Variants in CHD2 observed in about 807,000 individuals in gnomAD.
The protein encoded by CHD2 is chromodomain helicase DNA binding protein 2.
In CHD2, 28 loss-of-function variants were observed where a neutral mutation model predicts 243.9. The ratio of observed to expected loss-of-function variants is 0.11; its 90% CI spans 0.09 to 0.16. CHD2 has a LOEUF of 0.16. Ranked by LOEUF, CHD2 falls within the 10% of genes least tolerant of loss-of-function variation. CHD2 has a pLI of 1.00. For missense variants in CHD2, 1,386 were observed against 2,209.8 expected (o/e 0.63, Z 7.47); for synonymous variants, 775 against 779.0 (o/e 0.99, Z 0.09).
intron 34 of CHD2, among the ~76,000 whole-genome samples, chr15:93,004,984 C>T (rs2054302037): frequency 6.6e-6 from 1 of 152,094 alleles, no homozygotes; most frequent in South Asian, 2.1e-4. Flanking sequence ...TCTTGTGCTC[C>T]TAGTTAAGAG....
chr15:92,990,686 G>A (rs1361249601), intron 26 of CHD2, among the ~76,000 whole-genome samples: 1 of 152,254 alleles, frequency 6.6e-6, no homozygotes, highest in South Asian at 2.1e-4. Flanking sequence ...CTGTAGCCAT[G>A]TCTTCTCATT....
chr15:92,949,717 A>C (rs553035990), intron 13 of CHD2, among the ~76,000 whole-genome samples: 1 of 152,340 alleles, frequency 6.6e-6, no homozygotes, highest in South Asian at 2.1e-4. Flanking sequence ...AGTAGTTCCT[A>C]ATTACTAAGT....
intron 6 of CHD2, among the ~76,000 whole-genome samples, chr15:92,937,855 C>T (rs1448242528): frequency 6.6e-6 from 1 of 152,176 alleles, no homozygotes; most frequent in Admixed American, 6.5e-5. Context: ...TAGTAAAACT[C>T]CTTATATGTT....
intron 34 of CHD2, among the ~76,000 whole-genome samples, chr15:93,007,444 AG>A (rs2054335363): frequency 6.6e-6 from 1 of 152,138 alleles, no homozygotes; most frequent in South Asian, 2.1e-4. Context: ...TAGTCATTAC[AG>A]GTGTCTTTTA....
rs2054217770 is a variant in CHD2 at position 92,998,937 on chromosome 15, A to G, written c.4008+316A>G. 6.6e-6 allele frequency among the ~76,000 whole-genome samples: 1 copy of G among 151,904 alleles called. No individual in the cohort carries two copies. Among genetic ancestry groups the G allele is most frequent in the African/African-American group, 2.4e-5 (1 of 41,338 alleles). On this transcript the variant is annotated intron_variant, in intron 31 of 38. Coordinates refer to ENST00000394196, the MANE Select transcript of CHD2 (RefSeq NM_001271.4). This position sits in a 1 kb window ranked among gnomAD's most constrained non-coding sequence, Gnocchi z 5.1. ...TCTCTACTAAAAATACAAAAAAATT[A>G]GCCGGGCGTGGTGGCACACGCCTGT... is the stretch of plus-strand genomic sequence containing the variant.
At chr15:92,933,494 A>G (rs1024077026) in intron 5 of CHD2, among the ~76,000 whole-genome samples, 4 of 152,038 alleles carry the variant, frequency 2.6e-5, no homozygotes, top group Non-Finnish European at 5.9e-5. Flanking sequence ...TTTTTAACCA[A>G]CTCAGATGCT....
intron 5 of CHD2, among the ~76,000 whole-genome samples, chr15:92,934,521 T>C (rs919302467): frequency 1.3e-5 from 2 of 152,238 alleles, no homozygotes; most frequent in African/African-American, 4.8e-5. Flanking sequence ...CTATTCTTTA[T>C]TGTAGACTGA....
intron 2 of CHD2, among the ~76,000 whole-genome samples, chr15:92,914,376 A>G (rs1338973435): frequency 1.3e-5 from 2 of 152,242 alleles, no homozygotes; most frequent in Non-Finnish European, 2.9e-5. Context: ...GTATTTGTGA[A>G]GTGCCTTAAC....
chr15:92,936,262 C>G (rs756951802), intron 5 of CHD2, among the ~76,000 whole-genome samples: 27 of 152,158 alleles, frequency 1.8e-4, no homozygotes, highest in Non-Finnish European at 3.5e-4. Flanking sequence ...CCTGTTCTCC[C>G]ATGAAGAATA....
At chr15:93,005,728 C>T (rs1313579513) in intron 34 of CHD2, among the ~76,000 whole-genome samples, 1 of 152,024 alleles carries the variant, frequency 6.6e-6, no homozygotes. Flanking sequence ...TGCCTGTGAG[C>T]TCTCTGAGGA....
At chr15:92,920,246 C>T (rs191740123) in intron 2 of CHD2, among the ~76,000 whole-genome samples, 217 of 151,914 alleles carry the variant, frequency 1.4e-3, no homozygotes, top group African/African-American at 5.0e-3. Flanking sequence ...CAAGAAGATA[C>T]GTAGAAAGAA....
At chr15:93,022,982 G>A (rs1022507179) in intron 38 of CHD2, among the ~76,000 whole-genome samples, 1 of 152,182 alleles carries the variant, frequency 6.6e-6, no homozygotes, top group Non-Finnish European at 1.5e-5. Flanking sequence ...CATTTTGACT[G>A]GAACTTGAGA....
intron 16 of CHD2, 131 bp from the exon 17 acceptor site, chr15:92,967,194 C>G: frequency 6.7e-5 from 38 of 564,138 alleles, no homozygotes; most frequent in Admixed American, 3.6e-5. Flanking sequence ...TTTTTGTTTT[C>G]CCTTCTATTT....
rs1270126983 is a variant in CHD2 at position 92,929,019 on chromosome 15, A to C, written c.382-11A>C. Reference sequence around the variant, plus strand: ...AGTCTGTAATCATTTTTCCCCCCTCACACACTGAAGGCAAGTAGCGGGTCT... The same window carrying C: ...AGTCTGTAATCATTTTTCCCCCCTCCCACACTGAAGGCAAGTAGCGGGTCT... On this transcript the variant is annotated splice_polypyrimidine_tract_variant and intron_variant, in intron 4 of 38. Coordinates refer to ENST00000394196, the MANE Select transcript of CHD2 (RefSeq NM_001271.4). The C allele has an allele frequency of 6.2e-7, 1 of 1,610,532 alleles. No individual in the cohort carries two copies. The highest frequency in any genetic ancestry group is 1.7e-5 in the Admixed American group (1 of 59,658).
intron 26 of CHD2, 179 bp from the exon 27 acceptor site, chr15:92,991,297 T>C (rs1021427275): frequency 2.0e-6 from 1 of 492,048 alleles, no homozygotes; most frequent in African/African-American, 2.0e-5. Flanking sequence ...GTCATTATTT[T>C]AAGTTGACTA....
chr15:92,974,901 G>C lies in CHD2; in HGVS notation c.2528G>C (p.Gly843Ala). 1 of 1,613,804 alleles carries C rather than the reference G, an allele frequency of 6.2e-7. No individual in the cohort carries two copies. The highest frequency in any genetic ancestry group is 8.5e-7 in the Non-Finnish European group (1 of 1,179,728). The change falls in exon 20 of 39, where the codon GGA becomes GCA. Residue 843 changes from glycine (G) to alanine (A), a missense_variant. This residue lies in a region of CHD2 where 118 missense variants were observed against 266.3 expected (regional missense o/e 0.44). Coordinates refer to ENST00000394196, the MANE Select transcript of CHD2 (RefSeq NM_001271.4). ...PFQRLDGSIKGEIRKQALDHF... is the reference protein window; with the variant it reads ...PFQRLDGSIKAEIRKQALDHF... ...CAGCGTCTGGATGGTTCCATCAAGGGAGAAATCCGAAAACAGGCACTGGAC... is the reference window on the plus strand; with the variant it reads ...CAGCGTCTGGATGGTTCCATCAAGGCAGAAATCCGAAAACAGGCACTGGAC...
chr15:92,905,561 C>G (rs1176318776), intron 2 of CHD2, among the ~76,000 whole-genome samples: 1 of 152,128 alleles, frequency 6.6e-6, no homozygotes, highest in African/African-American at 2.4e-5. Flanking sequence ...GTTGACCCTT[C>G]AGTGCAGGTG....
intron 6 of CHD2, 66 bp from the exon 7 acceptor site, chr15:92,939,512 G>A: frequency 2.0e-6 from 3 of 1,529,436 alleles, no homozygotes; most frequent in Non-Finnish European, 2.7e-6. Flanking sequence ...GGGAAATACT[G>A]TTATATAAAG....
At chr15:93,019,709 G>A (rs1378876030) in intron 37 of CHD2, among the ~76,000 whole-genome samples, 18 of 152,106 alleles carry the variant, frequency 1.2e-4, no homozygotes, top group African/African-American at 3.6e-4. Flanking sequence ...TGAGGCGGGC[G>A]GATCACCTGA....
Sources: gnomAD v4.1 joint callset for allele counts (sites outside exome capture counted in the v4.1 genomes callset) on GRCh38, gnomAD v4.1.1 for gene constraint, gnomAD v4.1.1 regional missense constraint, Gnocchi (gnomAD v3.1) non-coding constraint, MANE v1.5 for transcripts, NCBI Gene and HGNC (gene_info 2026-07-23, HGNC 2026-07-21) for gene names.